FSIP2: variants seen among roughly 807,000 people sequenced by gnomAD.
FSIP2 encodes the protein fibrous sheath interacting protein 2.
A neutral mutation model predicts 510.5 loss-of-function variants in FSIP2; 367 were observed. That is an observed-to-expected ratio of 0.72 (90% CI 0.66 to 0.78). The LOEUF (loss-of-function observed/expected upper bound fraction) is 0.78, where lower values mean the gene tolerates loss of function less well. Among genes scored for constraint, FSIP2 ranks in the 30% least tolerant of loss-of-function variants. The pLI is 0.00. For missense variants in FSIP2, 7,594 were observed against 7,901.7 expected (o/e 0.96, Z 1.48); for synonymous variants, 2,601 against 2,732.2 (o/e 0.95, Z 1.50).
rs183095822 is a variant in FSIP2, at chr2:185,826,050, A to G, written c.20473+1570A>G. 5.9e-5 allele frequency among the ~76,000 whole-genome samples: 9 copies of G among 151,990 alleles called. No homozygotes were observed. The East Asian group carries it at 1.8e-3, about 30-fold the overall frequency. On this transcript the variant is annotated intron_variant, in intron 20 of 22. Transcript: ENST00000424728. ...AGAGTTGCCTCCAGTATACAGTGTC[A>G]TAACATTCTGTACAGGCTTGTAGCC...
intron 13 of FSIP2, among the ~76,000 whole-genome samples, chr2:185,770,862 T>A (rs1300709274): frequency 6.6e-6 from 1 of 152,182 alleles, no homozygotes; most frequent in African/African-American, 2.4e-5. Flanking sequence ...ATCAAAAACA[T>A]GTTATTACAT....
rs762358934 is a variant in FSIP2, at chr2:185,803,405, T to A, written c.14099T>A (p.Met4700Lys). Residue 4700 changes from methionine to lysine, a missense_variant, in exon 17 of 23, where the codon ATG (methionine) becomes AAG (lysine). Physicochemically the swap from Met to Lys is moderately conservative, Grantham distance 95. Transcript: ENST00000424728. The stretch of plus-strand genomic sequence containing the variant: ...GATGTAGTCAAAACAATTGTTGACA[T>A]GGTGTACAGCAAAGTTTTGCAAGAA... The part of the protein sequence containing the change: ...ERDVVKTIVD[M>K]VYSKVLQEYE... 6.5e-6 allele frequency: 10 copies of A among 1,533,012 alleles called. No homozygotes were observed. Among genetic ancestry groups the A allele is most frequent in the Non-Finnish European group, 7.0e-6 (8 of 1,144,848 alleles). 95.0% of individuals were successfully genotyped at this position (1,533,012 alleles called of 1,614,324 possible). A position where few individuals can be genotyped will look rare whatever the true frequency, so the allele number is the denominator to read the frequency against.
In FSIP2 at chr2:185,801,816, G is replaced by A; in HGVS notation, c.12510G>A (p.Met4170Ile). The A allele has an allele frequency of 1.3e-6, 2 of 1,490,090 alleles. No individual in the cohort carries two copies. Among genetic ancestry groups the A allele is most frequent in the Non-Finnish European group, 1.8e-6 (2 of 1,124,506 alleles). The allele number at this position is 1,490,090 out of a possible 1,614,324, so 92.3% of individuals were successfully genotyped here. Residue 4170 changes from methionine to isoleucine, a missense_variant, in exon 17 of 23, where the codon ATG (methionine) becomes ATA (isoleucine). Physicochemically the swap from Met to Ile is conservative, Grantham distance 10 (BLOSUM62 1). Transcript: ENST00000424728. ...TCSSLGKKYL[M>I]SSDFNEMSTC... ...CCTCTTTAGGAAAAAAATATTTAATGAGTTCTGATTTTAATGAAATGTCCA... is the reference window on the plus strand; with the variant it reads ...CCTCTTTAGGAAAAAAATATTTAATAAGTTCTGATTTTAATGAAATGTCCA...
chr2:185,793,920 G>T lies in FSIP2; in HGVS notation c.6784G>T (p.Glu2262Ter). 6.6e-7 allele frequency: 1 copy of T among 1,525,484 alleles called. No individual in the cohort carries two copies. The highest frequency in any genetic ancestry group is 8.7e-7 in the Non-Finnish European group (1 of 1,142,994). 94.5% of individuals were successfully genotyped at this position (1,525,484 alleles called of 1,614,324 possible). Residue 2262 changes from glutamate to a stop codon, truncating the protein, a stop_gained, in exon 16 of 23, where the codon GAA (glutamate) becomes TAA (stop). Transcript: ENST00000424728. LOFTEE classifies it high-confidence loss of function. ...TACTAAAACTATTTTTAAACGTTTG[G>T]AATCTTTTGCCACAGAAAGAATAGA... Reference protein sequence around the residue: ...FITKTIFKRLESFATERIDSL... With the variant: ...FITKTIFKRL
chr2:185,791,142 A>C lies in FSIP2; in HGVS notation c.4006A>C (p.Asn1336His). The change falls in exon 16 of 23, where the codon AAT becomes CAT. Residue 1336 changes from asparagine to histidine, a missense_variant. Physicochemically the swap from Asn to His is moderately conservative, Grantham distance 68 (BLOSUM62 1). Coordinates refer to ENST00000424728, the MANE Select transcript of FSIP2 (RefSeq NM_173651.4). Reference sequence around the variant, plus strand: ...CCTTACAGATAAAGGATTTTTTGCTAATACTGATAAAAAATTAGAATCTCT... The same window carrying C: ...CCTTACAGATAAAGGATTTTTTGCTCATACTGATAAAAAATTAGAATCTCT... Reference protein sequence around the residue: ...KSLTDKGFFANTDKKLESLVT... With the variant: ...KSLTDKGFFAHTDKKLESLVT... 1 of 1,533,110 alleles carries C rather than the reference A, an allele frequency of 6.5e-7. No homozygotes were observed. The highest frequency in any genetic ancestry group is 1.2e-5 in the South Asian group (1 of 83,852). 95.0% of individuals were successfully genotyped at this position (1,533,110 alleles called of 1,614,324 possible). A position where few individuals can be genotyped will look rare whatever the true frequency, so the allele number is the denominator to read the frequency against.
At chr2:185,761,508 A>G (rs1384888096) in intron 10 of FSIP2, among the ~76,000 whole-genome samples, 1 of 151,312 alleles carries the variant, frequency 6.6e-6, no homozygotes. Context: ...CTCATTGTCT[A>G]GTGAGGCAGC....
chr2:185,739,293 TAAA>T (rs1559006586), intron 1 of FSIP2, 50 bp from the exon 2 acceptor site: 2 of 1,476,728 alleles, frequency 1.4e-6, no homozygotes, highest in African/African-American at 2.9e-5. Flanking sequence ...TGGTCTAAAC[TAAA>T]CTAATACTGC....
At chr2:185,809,522 G>T (rs1393443041) in intron 17 of FSIP2, among the ~76,000 whole-genome samples, 1 of 151,966 alleles carries the variant, frequency 6.6e-6, no homozygotes, top group Admixed American at 6.6e-5. Context: ...GTTCAAACAG[G>T]CCAGTTAAAA....
In FSIP2 at chr2:185,794,879, A is replaced by C. The variant is rs1693231093; in HGVS notation, c.7743A>C (p.Pro2581=). The C allele has an allele frequency of 1.3e-6, 2 of 1,533,476 alleles. No individual in the cohort carries two copies. Among genetic ancestry groups the C allele is most frequent in the Non-Finnish European group, 1.7e-6 (2 of 1,144,982 alleles). The allele number at this position is 1,533,476 out of a possible 1,614,324, so 95.0% of individuals were successfully genotyped here. ...SDHNDSLLMK[P]LRFRETKQAG... ...ACAATGATTCCTTACTAATGAAACC[A>C]TTAAGGTTTAGAGAAACTAAACAAG... Residue 2581 remains proline (P), a synonymous_variant, in exon 16 of 23, where the codon CCA becomes CCC. Transcript: ENST00000424728.
In FSIP2 at chr2:185,739,643, T is replaced by C. The variant is rs1016747768; in HGVS notation, c.225+172T>C. Reference sequence around the variant, plus strand: ...TTAGAATGCATATGAAGCACTTTCATCTTAATGGTTTGGACATAATCATAT... The same window carrying C: ...TTAGAATGCATATGAAGCACTTTCACCTTAATGGTTTGGACATAATCATAT... On this transcript the variant is annotated intron_variant, in intron 2 of 22. Coordinates refer to ENST00000424728, the MANE Select transcript of FSIP2 (RefSeq NM_173651.4). 3.3e-5 allele frequency among the ~76,000 whole-genome samples: 5 copies of C among 152,352 alleles called. No homozygotes were observed. The East Asian group carries it at 9.6e-4, about 29-fold the overall frequency.
At position 185,763,276 on chromosome 2, in the gene FSIP2, C is replaced by T; in HGVS notation, c.1334C>T (p.Pro445Leu). 6.9e-7 allele frequency: 1 copy of T among 1,446,344 alleles called. No individual in the cohort carries two copies. The highest frequency in any genetic ancestry group is 9.4e-7 in the Non-Finnish European group (1 of 1,065,706). The allele number at this position is 1,446,344 out of a possible 1,614,324, so 89.6% of individuals were successfully genotyped here. A position where few individuals can be genotyped will look rare whatever the true frequency, so the allele number is the denominator to read the frequency against. ...FSRVSQAFLD[P>L]SKEEKETNAD... ...AGAGTTTCACAGGCATTTTTGGATC[C>T]TTCAAAAGAAGAGGTATATAACAGT... Residue 445 changes from proline (P) to leucine (L), a missense_variant, in exon 12 of 23, where the codon CCT becomes CTT. By Grantham distance (98) the Pro-to-Leu change is moderately conservative. Transcript: ENST00000424728.
chr2:185,796,697 G>GTT lies in FSIP2; in HGVS notation c.9563_9564dup (p.Val3189LeufsTer9), dbSNP rs1559030029. ...ATCCTTCACAAGTGAGTAAAACTGGGTTTGTGTTTTGTTCAGATGAAGATA... is the reference window on the plus strand; with the variant it reads ...ATCCTTCACAAGTGAGTAAAACTGGGTTTTTGTGTTTTGTTCAGATGAAGATA... On this transcript the variant is annotated frameshift_variant, in exon 16 of 23. Transcript: ENST00000424728. LOFTEE classifies it high-confidence loss of function. The GTT allele has an allele frequency of 6.5e-7, 1 of 1,535,084 alleles. No homozygotes were observed. Among genetic ancestry groups the GTT allele is most frequent in the Non-Finnish European group, 8.7e-7 (1 of 1,146,284 alleles).
chr2:185,779,551 T>C (rs921078196), intron 13 of FSIP2, among the ~76,000 whole-genome samples: 7 of 152,164 alleles, frequency 4.6e-5, no homozygotes, highest in Non-Finnish European at 8.8e-5. Flanking sequence ...TGTTGAAGTA[T>C]ATTTAAAATA....
chr2:185,753,240 C>A (rs1692183117), intron 7 of FSIP2, among the ~76,000 whole-genome samples: 1 of 151,292 alleles, frequency 6.6e-6, no homozygotes, highest in Non-Finnish European at 1.5e-5. Flanking sequence ...TTGCTAAATA[C>A]TGCAAGAACC....
At chr2:185,798,456 A>G (rs1187284853) in intron 16 of FSIP2, among the ~76,000 whole-genome samples, 1 of 151,890 alleles carries the variant, frequency 6.6e-6, no homozygotes, top group East Asian at 1.9e-4. Flanking sequence ...TTGTATATCA[A>G]AAACAGTTGA....
chr2:185,751,499 G>GT (rs1553493289), intron 7 of FSIP2, among the ~76,000 whole-genome samples: 19 of 147,604 alleles, frequency 1.3e-4, no homozygotes, highest in South Asian at 2.1e-4. Flanking sequence ...GTGTGTGTGT[G>GT]GTTACTACTC....
chr2:185,815,351 G>C lies in FSIP2; in HGVS notation c.20326-20G>C, dbSNP rs987071952. On this transcript the variant is annotated intron_variant, in intron 18 of 22. Transcript: ENST00000424728. The stretch of plus-strand genomic sequence containing the variant: ...ATCCCAAACTCCATTTAGTGTAATA[G>C]CTGATTTGTCCTTTTCCAGAAAGAA... 1.3e-5 allele frequency: 14 copies of C among 1,070,442 alleles called. No individual in the cohort carries two copies. The highest frequency in any genetic ancestry group is 1.9e-5 in the Non-Finnish European group (13 of 701,648). 66.3% of individuals were successfully genotyped at this position (1,070,442 alleles called of 1,614,324 possible). A position where few individuals can be genotyped will look rare whatever the true frequency, so the allele number is the denominator to read the frequency against.
At chr2:185,776,547 T>C (rs951726049) in intron 13 of FSIP2, among the ~76,000 whole-genome samples, 2 of 152,200 alleles carry the variant, frequency 1.3e-5, no homozygotes, top group African/African-American at 4.8e-5. Context: ...TTGACATTAA[T>C]TTTGATAACA....
At chr2:185,814,760 T>G (rs1693799935) in intron 18 of FSIP2, among the ~76,000 whole-genome samples, 3 of 152,170 alleles carry the variant, frequency 2.0e-5, no homozygotes, top group South Asian at 4.1e-4. Flanking sequence ...AATTTTAGAA[T>G]TAATTTTAAT....
Sources: gnomAD v4.1 joint callset for allele counts (sites outside exome capture counted in the v4.1 genomes callset) on GRCh38, gnomAD v4.1.1 for gene constraint, MANE v1.5 for transcripts, NCBI Gene and HGNC (gene_info 2026-07-23, HGNC 2026-07-21) for gene names.